The following CADM2 variants were observed in gnomAD, a reference collection of about 807,000 sequenced individuals.
CADM2 encodes immunoglobulin superfamily member 4D.
CADM2 carries 12 observed loss-of-function variants against 49.8 expected under a neutral mutation model. The ratio of observed to expected loss-of-function variants is 0.24; its 90% CI spans 0.15 to 0.39. The LOEUF is 0.39. CADM2 is among the 10% of genes least tolerant of loss of function. The pLI is 1.00. For missense variants in CADM2, 378 were observed against 492.3 expected (o/e 0.77, Z 2.20); for synonymous variants, 214 against 175.4 (o/e 1.22, Z -1.74).
chr3:85,895,763 A>G (rs1715135869), intron 5 of CADM2, among the ~76,000 whole-genome samples: 1 of 152,014 alleles, frequency 6.6e-6, no homozygotes, highest in Non-Finnish European at 1.5e-5. Flanking sequence ...ATAAAGGGCA[A>G]TTCCCCTGCA....
intron 1 of CADM2, among the ~76,000 whole-genome samples, chr3:85,270,031 T>C (rs1405075911): frequency 6.6e-6 from 1 of 151,226 alleles, no homozygotes; most frequent in South Asian, 2.1e-4. Flanking sequence ...CATCTATAAA[T>C]AGGTGTTTTT....
At chr3:85,145,511 G>A (rs2039711178) in intron 1 of CADM2, among the ~76,000 whole-genome samples, 1 of 151,914 alleles carries the variant, frequency 6.6e-6, no homozygotes, top group African/African-American at 2.4e-5. Flanking sequence ...AAGAATAGGG[G>A]CATTTTAAAA....
chr3:85,841,400 A>T (rs1050106717), intron 3 of CADM2, among the ~76,000 whole-genome samples: 4 of 151,906 alleles, frequency 2.6e-5, no homozygotes, highest in African/African-American at 9.7e-5. Flanking sequence ...TAAGAAGCTT[A>T]AAGTTTATTT....
chr3:85,032,234 AG>A (rs1278893724), intron 1 of CADM2, among the ~76,000 whole-genome samples: 5 of 149,798 alleles, frequency 3.3e-5, no homozygotes, highest in African/African-American at 1.2e-4. Flanking sequence ...TTTTATCTTG[AG>A]TTGCATAAAT....
chr3:85,220,089 T>C (rs554165479), intron 1 of CADM2, among the ~76,000 whole-genome samples: 1 of 152,252 alleles, frequency 6.6e-6, no homozygotes, highest in South Asian at 2.1e-4. Context: ...TTTCCATACC[T>C]CTGAAATACA....
intron 3 of CADM2, among the ~76,000 whole-genome samples, chr3:85,836,912 A>G (rs1405939512): frequency 6.6e-6 from 1 of 151,628 alleles, no homozygotes; most frequent in Non-Finnish European, 1.5e-5. Context: ...AGGCAAAGTT[A>G]TTTCAGGTGG....
intron 1 of CADM2, among the ~76,000 whole-genome samples, chr3:85,156,019 A>G (rs2040105101): frequency 6.6e-6 from 1 of 152,184 alleles, no homozygotes. Flanking sequence ...CTCCTGCCTA[A>G]TTGCCCTGGC....
At chr3:85,688,413 A>T (rs2066278453) in intron 1 of CADM2, among the ~76,000 whole-genome samples, 1 of 152,106 alleles carries the variant, frequency 6.6e-6, no homozygotes, top group Admixed American at 6.5e-5. Flanking sequence ...GAACATCACT[A>T]CATATCTGTT....
At chr3:85,853,228 T>A (rs1364365167) in intron 3 of CADM2, among the ~76,000 whole-genome samples, 3 of 151,862 alleles carry the variant, frequency 2.0e-5, no homozygotes, top group Admixed American at 2.0e-4. Flanking sequence ...GAAAGAAATT[T>A]ACATTTTCTA....
intron 1 of CADM2, among the ~76,000 whole-genome samples, chr3:85,433,543 T>C (rs1292757808): frequency 1.3e-5 from 2 of 152,048 alleles, no homozygotes; most frequent in Admixed American, 6.6e-5. Flanking sequence ...TGCCAGAGCA[T>C]TGGAGAAGTA....
intron 1 of CADM2, among the ~76,000 whole-genome samples, chr3:85,683,349 T>C (rs1261912722): frequency 6.6e-6 from 1 of 152,166 alleles, no homozygotes; most frequent in Non-Finnish European, 1.5e-5. Context: ...GTTGTCTGAT[T>C]TGCTTATGCT....
Position 85,258,817 on chromosome 3 carries a change from G to T in CADM2, c.61+299149G>T, listed in dbSNP as rs577008892. On this transcript the variant is annotated intron_variant, in intron 1 of 9. Coordinates refer to ENST00000383699, the MANE Select transcript of CADM2 (RefSeq NM_001167675.2). ...AACAATTAAACGAAGAATGGAAGATGGCATATATATATGTGTGCAAACAAG... is the reference window on the plus strand; with the variant it reads ...AACAATTAAACGAAGAATGGAAGATTGCATATATATATGTGTGCAAACAAG... 2.6e-5 allele frequency among the ~76,000 whole-genome samples: 4 copies of T among 152,122 alleles called. No homozygotes were observed. In the South Asian group the frequency reaches 8.3e-4, roughly 32 times the overall value.
At chr3:85,675,280 G>T (rs1446917450) in intron 1 of CADM2, among the ~76,000 whole-genome samples, 1 of 151,920 alleles carries the variant, frequency 6.6e-6, no homozygotes, top group Non-Finnish European at 1.5e-5. Context: ...TGTATCTTAG[G>T]ATACAAGAAC....
chr3:84,996,035 A>G (rs1175500889), intron 1 of CADM2, among the ~76,000 whole-genome samples: 1 of 152,174 alleles, frequency 6.6e-6, no homozygotes, highest in Non-Finnish European at 1.5e-5. Context: ...ATTTGGACAG[A>G]CAAATGTACA....
chr3:86,016,866 A>G (rs534008654), intron 8 of CADM2, among the ~76,000 whole-genome samples: 5 of 152,272 alleles, frequency 3.3e-5, no homozygotes, highest in South Asian at 4.1e-4. Context: ...TAAGGATTCA[A>G]TGAGGGGTTT....
intron 2 of CADM2, among the ~76,000 whole-genome samples, chr3:85,787,604 C>T (rs563792271): frequency 6.6e-6 from 1 of 152,206 alleles, no homozygotes; most frequent in South Asian, 2.1e-4. Context: ...GTTTCTCATC[C>T]TGCAAGTACC....
intron 1 of CADM2, among the ~76,000 whole-genome samples, chr3:85,261,029 T>C (rs1205127948): frequency 6.6e-6 from 1 of 152,176 alleles, no homozygotes; most frequent in East Asian, 1.9e-4. Flanking sequence ...AATATGTGTC[T>C]TATTTTTTTG....
intron 1 of CADM2, among the ~76,000 whole-genome samples, chr3:85,410,020 G>A (rs1311664500): frequency 6.6e-6 from 1 of 152,020 alleles, no homozygotes; most frequent in African/African-American, 2.4e-5. Context: ...TCTGCTTCCT[G>A]CCTGATGATT....
At chr3:85,181,416 AAG>A (rs1169518062) in intron 1 of CADM2, among the ~76,000 whole-genome samples, 16 of 152,176 alleles carry the variant, frequency 1.1e-4, no homozygotes, top group African/African-American at 3.1e-4. Context: ...GAGATGAAAA[AAG>A]TAATTAAACA....
Sources: gnomAD v4.1 joint callset for allele counts (sites outside exome capture counted in the v4.1 genomes callset) on GRCh38, gnomAD v4.1.1 for gene constraint, MANE v1.5 for transcripts, NCBI Gene and HGNC (gene_info 2026-07-23, HGNC 2026-07-21) for gene names.